Variants in ABCB1 observed in about 807,000 individuals in gnomAD.
ABCB1 encodes the protein ATP binding cassette subfamily B member 1.
ABCB1 carries 69 observed loss-of-function variants against 142.0 expected under a neutral mutation model. The observed-to-expected ratio is 0.49, with a 90% CI of 0.40 to 0.59. ABCB1 has a LOEUF of 0.59. Ranked by LOEUF, ABCB1 falls within the 20% of genes least tolerant of loss-of-function variation. The pLI is 0.00. For missense variants in ABCB1, 1,326 were observed against 1,554.7 expected (o/e 0.85, Z 2.47); for synonymous variants, 532 against 539.2 (o/e 0.99, Z 0.18).
At chr7:87,567,154 A>T (rs1482367862) in intron 5 of ABCB1, among the ~76,000 whole-genome samples, 178 bp from the exon 6 acceptor site, 1 of 152,238 alleles carries the variant, frequency 6.6e-6, no homozygotes, top group Non-Finnish European at 1.5e-5. Context: ...TTGCACCAAT[A>T]TGGTGGAATG....
intron 1 of ABCB1, among the ~76,000 whole-genome samples, chr7:87,675,631 C>A (rs1585069199): frequency 1.5e-5 from 1 of 68,712 alleles, no homozygotes. Context: ...AAATAGTGTT[C>A]AGAAAACTGA....
chr7:87,633,958 C>A (rs181580083), intron 1 of ABCB1, among the ~76,000 whole-genome samples: 1 of 152,116 alleles, frequency 6.6e-6, no homozygotes, highest in Non-Finnish European at 1.5e-5. Flanking sequence ...ACCGTGGCCC[C>A]GGCATCTGCT....
At chr7:87,628,621 G>T (rs190284965) in intron 1 of ABCB1, 1 of 307,358 alleles carries the variant, frequency 3.3e-6, no homozygotes, top group African/African-American at 2.5e-5. Flanking sequence ...GTGTGTGTGT[G>T]TGTGGAGCTC....
intron 26 of ABCB1, among the ~76,000 whole-genome samples, chr7:87,506,643 G>A (rs1163959656): frequency 1.3e-5 from 2 of 151,982 alleles, no homozygotes; most frequent in Admixed American, 6.5e-5. Flanking sequence ...AATTCTTCCC[G>A]TGTTGTTTCC....
At chr7:87,619,646 A>G (rs1018681595) in intron 1 of ABCB1, among the ~76,000 whole-genome samples, 3 of 152,046 alleles carry the variant, frequency 2.0e-5, no homozygotes, top group African/African-American at 7.2e-5. Context: ...ATACTTGGCC[A>G]AATTTATGAG....
intron 1 of ABCB1, among the ~76,000 whole-genome samples, chr7:87,634,550 A>G (rs1821566506): frequency 6.7e-6 from 1 of 149,486 alleles, no homozygotes; most frequent in Admixed American, 6.7e-5. Flanking sequence ...AATCACTTGA[A>G]CCCTGGGGCG....
At chr7:87,670,877 G>A (rs183297817) in intron 1 of ABCB1, among the ~76,000 whole-genome samples, 1 of 152,210 alleles carries the variant, frequency 6.6e-6, no homozygotes, top group Non-Finnish European at 1.5e-5. Flanking sequence ...CTCTGTCAAT[G>A]TTCTGAAAGT....
intron 1 of ABCB1, among the ~76,000 whole-genome samples, chr7:87,710,210 A>G (rs1685849932): frequency 6.6e-6 from 1 of 152,178 alleles, no homozygotes; most frequent in African/African-American, 2.4e-5. Flanking sequence ...GATTTATGAG[A>G]GGGCTCATTT....
At chr7:87,553,599 T>G (rs2235024) in intron 9 of ABCB1, among the ~76,000 whole-genome samples, 162 bp downstream of exon 9, 4,844 of 152,250 alleles carry the variant, frequency 0.032, 84 homozygotes, top group Non-Finnish European at 0.038. Context: ...GGATTACAGG[T>G]GTGAGCCACC....
chr7:87,661,139 A>G (rs890813408), intron 1 of ABCB1, among the ~76,000 whole-genome samples: 5 of 152,044 alleles, frequency 3.3e-5, no homozygotes, highest in African/African-American at 9.7e-5. Flanking sequence ...TTTTATGGGT[A>G]CATAGTAGGT....
At chr7:87,572,304 TTAAGA>T (rs1262586638) in intron 4 of ABCB1, among the ~76,000 whole-genome samples, 2 of 152,226 alleles carry the variant, frequency 1.3e-5, no homozygotes, top group African/African-American at 4.8e-5. Context: ...TTCTCAATTC[TTAAGA>T]TAAGAAACCA....
chr7:87,707,322 G>A (rs760224731), intron 1 of ABCB1, among the ~76,000 whole-genome samples: 39 of 152,000 alleles, frequency 2.6e-4, no homozygotes, highest in Non-Finnish European at 5.1e-4. Flanking sequence ...TCAAGAAAAT[G>A]GAAATAAATA....
At position 87,524,641 on chromosome 7, in the gene ABCB1, C is replaced by G. The variant is rs920161610; in HGVS notation, c.2686-3765G>C. ...AGGAGATATACCTAATGTTAAATGA[C>G]GAGTTGGTGGGTACAGCACACCAAC... On this transcript the variant is annotated intron_variant, in intron 21 of 27. Transcript: ENST00000622132. Among the ~76,000 whole-genome samples, 5 of 151,882 alleles carry G rather than the reference C, an allele frequency of 3.3e-5. No individual in the cohort carries two copies. The South Asian group carries it at 8.3e-4, about 25-fold the overall frequency.
chr7:87,584,352 G>A (rs1818641770), intron 4 of ABCB1, among the ~76,000 whole-genome samples: 1 of 152,150 alleles, frequency 6.6e-6, no homozygotes, highest in African/African-American at 2.4e-5. Context: ...AAAGTTGAAA[G>A]GTCCTTGTAA....
chr7:87,529,370 G>A (rs1430028502), intron 21 of ABCB1, among the ~76,000 whole-genome samples: 2 of 152,170 alleles, frequency 1.3e-5, no homozygotes, highest in African/African-American at 4.8e-5. Flanking sequence ...TCAGGTGGAA[G>A]TTGATTTTCA....
At chr7:87,625,720 T>C (rs1584930862) in intron 1 of ABCB1, among the ~76,000 whole-genome samples, 1 of 152,106 alleles carries the variant, frequency 6.6e-6, no homozygotes. Flanking sequence ...AGTTAAGTTG[T>C]AGCTCCTAGG....
chr7:87,679,342 C>G (rs1360273323), intron 1 of ABCB1, among the ~76,000 whole-genome samples: 1 of 149,728 alleles, frequency 6.7e-6, no homozygotes, highest in African/African-American at 2.5e-5. Context: ...ATCCACCCAC[C>G]TTGGCCTCCC....
chr7:87,549,379 C>A lies in ABCB1; in HGVS notation c.1694G>T (p.Ser565Ile). Residue 565 changes from serine (S) to isoleucine (I), a missense_variant, in exon 14 of 28, where the codon AGC becomes ATC. Physicochemically the swap from Ser to Ile is moderately radical, Grantham distance 142 (BLOSUM62 -2). Coordinates refer to ENST00000622132, the MANE Select transcript of ABCB1 (RefSeq NM_001348946.2). Reference sequence around the variant, plus strand: ...CAGAGCCACCTGAACCACTGCTTCGCTTTCTGTGTCCAAGGCTGACGTGGC... The same window carrying A: ...CAGAGCCACCTGAACCACTGCTTCGATTTCTGTGTCCAAGGCTGACGTGGC... ...DEATSALDTE[S>I]EAVVQVALDK... 6.2e-7 allele frequency: 1 copy of A among 1,614,184 alleles called. No individual in the cohort carries two copies. The highest frequency in any genetic ancestry group is 8.5e-7 in the Non-Finnish European group (1 of 1,180,028).
At chr7:87,633,470 T>A (rs1364261817) in intron 1 of ABCB1, among the ~76,000 whole-genome samples, 1 of 152,208 alleles carries the variant, frequency 6.6e-6, no homozygotes, top group Non-Finnish European at 1.5e-5. Flanking sequence ...AGCTTTTGCC[T>A]AAGTGGCCCC....
Sources: allele counts gnomAD v4.1 joint callset (sites outside exome capture counted in the v4.1 genomes callset), GRCh38; gene constraint gnomAD v4.1.1; transcripts MANE v1.5; gene names NCBI Gene and HGNC (gene_info 2026-07-23, HGNC 2026-07-21).